The following ZNF782 variants were observed in gnomAD, a reference collection of about 807,000 sequenced individuals.
ZNF782 encodes zinc finger protein 782.
ZNF782 carries 12 observed loss-of-function variants against 13.0 expected under a neutral mutation model. The observed-to-expected ratio is 0.92, with a 90% confidence interval of 0.59 to 1.50. ZNF782 has a LOEUF of 1.50. Among genes scored for constraint, ZNF782 ranks in the 40% most tolerant of loss-of-function variants. ZNF782 has a pLI of 0.00. For synonymous variants in ZNF782, 284 were observed against 283.0 expected (o/e 1.00, Z -0.04); for missense variants, 770 against 822.9 (o/e 0.94, Z 0.79).
chr9:96,852,015 C>G lies in ZNF782; in HGVS notation c.-44-10G>C. On this transcript the variant is annotated splice_polypyrimidine_tract_variant and intron_variant, in intron 2 of 5. Coordinates refer to ENST00000481138, the MANE Select transcript of ZNF782 (RefSeq NM_001001662.3). ...AACTGTAAAGCCTCAGCTGGGGGGACAGAAAGAGGATGTCACACGGTCTCG... is the reference window on the plus strand; with the variant it reads ...AACTGTAAAGCCTCAGCTGGGGGGAGAGAAAGAGGATGTCACACGGTCTCG... 1.3e-6 allele frequency: 2 copies of G among 1,581,474 alleles called. No individual in the cohort carries two copies. Among genetic ancestry groups the G allele is most frequent in the Non-Finnish European group, 1.7e-6 (2 of 1,150,934 alleles).
chr9:96,908,104 G>T, the ZNF782 span, among the ~76,000 whole-genome samples: 2 of 152,042 alleles, frequency 1.3e-5, no homozygotes, highest in African/African-American at 4.8e-5. Flanking sequence ...ATGGGGACAT[G>T]TTATATTTCT....
intron 3 of ZNF782, among the ~76,000 whole-genome samples, chr9:96,846,877 C>T (rs192858547): frequency 6.6e-6 from 1 of 152,274 alleles, no homozygotes; most frequent in Admixed American, 6.5e-5. Flanking sequence ...CCAAGAACTG[C>T]AGAATATACA....
chr9:96,913,251 G>A, the ZNF782 span, among the ~76,000 whole-genome samples: 1 of 151,666 alleles, frequency 6.6e-6, no homozygotes, highest in African/African-American at 2.4e-5. Flanking sequence ...GGAGGCGGAG[G>A]TTGCAGTGAG....
At chr9:96,863,288 T>C (rs1057306591) in intron 1 of ZNF782, among the ~76,000 whole-genome samples, 1 of 151,396 alleles carries the variant, frequency 6.6e-6, no homozygotes, top group African/African-American at 2.4e-5. Flanking sequence ...ATCAGGGAAA[T>C]GCAAACGAAA....
chr9:96,878,053 T>G (rs958659744), upstream of ZNF782, among the ~76,000 whole-genome samples: 1 of 152,218 alleles, frequency 6.6e-6, no homozygotes, highest in Admixed American at 6.5e-5. Context: ...AGTTCTGTAC[T>G]GAAAAAGGCT....
chr9:96,916,022 A>T, the ZNF782 span, among the ~76,000 whole-genome samples: 4 of 151,636 alleles, frequency 2.6e-5, no homozygotes, highest in Non-Finnish European at 5.9e-5. Context: ...TATAAACAGG[A>T]GAATCAGACT....
upstream of ZNF782, among the ~76,000 whole-genome samples, chr9:96,878,503 G>A (rs1851921618): frequency 6.6e-6 from 1 of 152,188 alleles, no homozygotes; most frequent in African/African-American, 2.4e-5. Flanking sequence ...GTCCACTGAT[G>A]CCTAACTCTG....
At chr9:96,932,489 G>A in the ZNF782 span, 58 of 1,147,474 alleles carry the variant, frequency 5.1e-5, no homozygotes, top group East Asian at 1.7e-4. Context: ...TGGACAGGAG[G>A]TCACACTGTT....
intron 4 of ZNF782, among the ~76,000 whole-genome samples, chr9:96,830,693 G>C (rs979648750): frequency 6.6e-6 from 1 of 152,064 alleles, no homozygotes; most frequent in Non-Finnish European, 1.5e-5. Flanking sequence ...AAAATCACTT[G>C]TCATACCAAG....
At chr9:96,827,556 C>A (rs2118465467) in intron 4 of ZNF782, among the ~76,000 whole-genome samples, 1 of 152,222 alleles carries the variant, frequency 6.6e-6, no homozygotes, top group African/African-American at 2.4e-5. Context: ...AATCGTCTCA[C>A]CCTGGCCTCC....
upstream of ZNF782, among the ~76,000 whole-genome samples, chr9:96,877,169 C>T (rs1447466502): frequency 1.3e-5 from 2 of 151,988 alleles, no homozygotes; most frequent in African/African-American, 4.8e-5. Context: ...CAATATTATT[C>T]CGTAACATCA....
intron 3 of ZNF782, among the ~76,000 whole-genome samples, chr9:96,859,657 G>C (rs892885333): frequency 2.0e-5 from 3 of 152,188 alleles, no homozygotes; most frequent in Non-Finnish European, 4.4e-5. Flanking sequence ...GTGAGACTCA[G>C]AGATGTGCTG....
the ZNF782 span, among the ~76,000 whole-genome samples, chr9:96,932,704 G>A: frequency 6.6e-6 from 1 of 150,898 alleles, no homozygotes; most frequent in East Asian, 2.0e-4. Flanking sequence ...CCAGGCTGGA[G>A]TGCAATGGCG....
At chr9:96,888,357 T>TGTCTTC in the ZNF782 span, 1 of 152,158 alleles carries the variant, frequency 6.6e-6, no homozygotes, top group Non-Finnish European at 1.5e-5. Context: ...AAAATGGTTT[T>TGTCTTC]ACATGTGTAC....
At chr9:96,840,852 C>A (rs974643408) in intron 4 of ZNF782, among the ~76,000 whole-genome samples, 2 of 151,732 alleles carry the variant, frequency 1.3e-5, no homozygotes, top group Admixed American at 6.6e-5. Context: ...CATTAAAAAG[C>A]TAGACAAAGA....
chr9:96,892,507 C>T, the ZNF782 span: 4 of 152,224 alleles, frequency 2.6e-5, no homozygotes, highest in Non-Finnish European at 5.9e-5. Flanking sequence ...CCCTTCCTCA[C>T]GCCTTTGCTG....
upstream of ZNF782, among the ~76,000 whole-genome samples, chr9:96,878,778 A>G (rs570700361): frequency 2.0e-5 from 3 of 152,158 alleles, no homozygotes; most frequent in Non-Finnish European, 4.4e-5. Context: ...TATTTGTGAG[A>G]TTATTTCTTT....
the ZNF782 span, among the ~76,000 whole-genome samples, chr9:96,925,417 C>T: frequency 6.6e-6 from 1 of 152,160 alleles, no homozygotes; most frequent in Admixed American, 6.5e-5. Context: ...GCGGGTGGAT[C>T]ACCTGAGGTC....
rs1850274778 is a variant in ZNF782, at chr9:96,818,643, G to A, written c.1380C>T (p.Asn460=). ...FECHECGKSF[N]YKSILIVHQR... ...GATGCACTATGAGGATTGACTTATA[G>A]TTAAAAGATTTCCCACATTCATGAC... The change falls in exon 6 of 6, where the codon AAC becomes AAT. Residue 460 remains asparagine, a synonymous_variant. Transcript: ENST00000481138. 2 of 1,613,356 alleles carry A rather than the reference G, an allele frequency of 1.2e-6. No homozygotes were observed. The highest frequency in any genetic ancestry group is 8.5e-7 in the Non-Finnish European group (1 of 1,179,872).
Sources: gnomAD v4.1 joint callset for allele counts (sites outside exome capture counted in the v4.1 genomes callset) on GRCh38, gnomAD v4.1.1 for gene constraint, MANE v1.5 for transcripts, NCBI Gene and HGNC (gene_info 2026-07-23, HGNC 2026-07-21) for gene names.